The following BBS2 variants were observed in gnomAD, a reference collection of about 807,000 sequenced individuals.
The protein encoded by BBS2 is Bardet-Biedl syndrome 2.
Under a neutral mutation model 83.0 loss-of-function variants are expected in BBS2, and 62 were observed. The observed-to-expected ratio is 0.75, with a 90% CI of 0.61 to 0.92. The LOEUF (loss-of-function observed/expected upper bound fraction) is 0.92, where lower values mean the gene tolerates loss of function less well. Ranked by LOEUF, BBS2 falls within the 40% of genes least tolerant of loss-of-function variation. The pLI, the probability that BBS2 is intolerant of heterozygous loss-of-function variation, is 0.00. For synonymous variants in BBS2, 303 were observed against 326.1 expected (o/e 0.93, Z 0.76); for missense variants, 784 against 901.0 (o/e 0.87, Z 1.66).
intron 5 of BBS2, 131 bp from the exon 6 acceptor site, chr16:56,506,355 ATT>A: frequency 2.8e-6 from 2 of 718,584 alleles, no homozygotes; most frequent in East Asian, 5.4e-5. Context: ...CTTCCAATCC[ATT>A]AGTGGGGAAT....
intron 17 of BBS2, among the ~76,000 whole-genome samples, chr16:56,472,364 T>C (rs1249773576): frequency 6.6e-6 from 1 of 152,200 alleles, no homozygotes; most frequent in Non-Finnish European, 1.5e-5. Flanking sequence ...AGATGCTTTA[T>C]TCCATTGTTG....
chr16:56,513,695 A>G (rs1179939862), intron 2 of BBS2, among the ~76,000 whole-genome samples: 1 of 152,224 alleles, frequency 6.6e-6, no homozygotes, highest in Non-Finnish European at 1.5e-5. Flanking sequence ...TAGGAGGTTA[A>G]AGAAAAATGG....
chr16:56,497,113 C>T (rs1340916610), intron 14 of BBS2, 34 bp from the exon 15 acceptor site: 7 of 1,373,482 alleles, frequency 5.1e-6, no homozygotes, highest in African/African-American at 4.3e-5. Flanking sequence ...ATGAAAAAGG[C>T]CTCACAAACT....
Position 56,501,445 on chromosome 16 carries a change from G to A in BBS2, c.1133C>T (p.Pro378Leu), listed in dbSNP as rs1964270797. Residue 378 changes from proline to leucine, a missense_variant, in exon 10 of 17, where the codon CCA becomes CTA. By Grantham distance (98) the Pro-to-Leu change is moderately conservative. Transcript: ENST00000245157. Reference protein sequence around the residue: ...NEADGHRGIIPANTRLHTTLS... With the variant: ...NEADGHRGIILANTRLHTTLS... Reference sequence around the variant, plus strand: ...CGTGGTGTGGAGCCTGGTATTGGCTGGGATTATGCCCCGATGCCCATCAGC... The same window carrying A: ...CGTGGTGTGGAGCCTGGTATTGGCTAGGATTATGCCCCGATGCCCATCAGC... 1.2e-6 allele frequency: 2 copies of A among 1,614,044 alleles called. No homozygotes were observed. The highest frequency in any genetic ancestry group is 1.7e-5 in the Admixed American group (1 of 60,004).
In BBS2 at chr16:56,502,295, T is replaced by C. The variant is rs1375239276; in HGVS notation, c.1080+22A>G. The C allele has an allele frequency of 2.5e-6, 4 of 1,613,944 alleles. No homozygotes were observed. In the African/African-American group the frequency reaches 5.3e-5, roughly 22 times the overall value. ...CAACATTTCAGCCTCCATTACCTGGTCACATTAGGACCTACACCTACCTTG... is the reference window on the plus strand; with the variant it reads ...CAACATTTCAGCCTCCATTACCTGGCCACATTAGGACCTACACCTACCTTG... On this transcript the variant is annotated intron_variant, in intron 9 of 16. Coordinates refer to ENST00000245157, the MANE Select transcript of BBS2 (RefSeq NM_031885.5).
intron 4 of BBS2, 62 bp from the exon 5 acceptor site, chr16:56,510,096 C>G: frequency 6.6e-7 from 1 of 1,515,914 alleles, no homozygotes; most frequent in Non-Finnish European, 9.1e-7. Flanking sequence ...TTTCTGTAAA[C>G]AAAACAAAAA....
chr16:56,485,575 T>A lies in BBS2; in HGVS notation c.2059+15A>T, dbSNP rs571449292. On this transcript the variant is annotated intron_variant, in intron 16 of 16. Transcript: ENST00000245157. The stretch of plus-strand genomic sequence containing the variant: ...CATTACAGATCAAAGTGCAGTGTTA[T>A]GAAAAGAGACTTACCCCGCAGACGA... The A allele has an allele frequency of 2.5e-6, 4 of 1,613,894 alleles. No individual in the cohort carries two copies. Among genetic ancestry groups the A allele is most frequent in the African/African-American group, 2.7e-5 (2 of 74,946 alleles).
chr16:56,470,761 C>G (rs372564103), intron 17 of BBS2: 64 of 1,602,556 alleles, frequency 4.0e-5, no homozygotes, highest in Non-Finnish European at 5.2e-5. Flanking sequence ...GCAGACAGAC[C>G]CAGAGCCAGA....
At chr16:56,503,739 G>A (rs1435630762) in intron 7 of BBS2, among the ~76,000 whole-genome samples, 1 of 152,150 alleles carries the variant, frequency 6.6e-6, no homozygotes, top group Non-Finnish European at 1.5e-5. Context: ...CTAACATGGT[G>A]AAACCCTGTC....
intron 2 of BBS2, among the ~76,000 whole-genome samples, chr16:56,513,871 G>A (rs989643282): frequency 6.6e-6 from 1 of 151,718 alleles, no homozygotes; most frequent in East Asian, 1.9e-4. Context: ...GCTGCTATAG[G>A]GTAAAAACAA....
At chr16:56,518,774 A>AATACACAGG (rs1386014931) in intron 1 of BBS2, among the ~76,000 whole-genome samples, 3 of 152,186 alleles carry the variant, frequency 2.0e-5, no homozygotes, top group African/African-American at 7.2e-5. Flanking sequence ...CTGGACTATA[A>AATACACAGG]GCTTTCTGAA....
At chr16:56,502,511 T>C (rs1214669190) in intron 8 of BBS2, 55 bp from the exon 9 acceptor site, 5 of 1,613,364 alleles carry the variant, frequency 3.1e-6, no homozygotes, top group Admixed American at 1.7e-5. Flanking sequence ...AGGTCATCAA[T>C]TACCTGCTCT....
chr16:56,472,764 A>G (rs1032747077), intron 17 of BBS2, among the ~76,000 whole-genome samples: 27 of 152,168 alleles, frequency 1.8e-4, no homozygotes, highest in South Asian at 4.1e-4. Context: ...TTACACATCT[A>G]TTTTTAATGA....
rs199764607 is a variant in BBS2, at chr16:56,495,768, G to A, written c.1910+1199C>T. Reference sequence around the variant, plus strand: ...TTTTTATACAGACGTGTGTATATATGTGTGTGTGTGTGTGTGTGTGTGTAT... The same window carrying A: ...TTTTTATACAGACGTGTGTATATATATGTGTGTGTGTGTGTGTGTGTGTAT... On this transcript the variant is annotated intron_variant, in intron 15 of 16. Coordinates refer to ENST00000245157, the MANE Select transcript of BBS2 (RefSeq NM_031885.5). Among the ~76,000 whole-genome samples the A allele has an allele frequency of 2.5e-4, 5 of 20,292 alleles. No homozygotes were observed. In the African/African-American group the frequency reaches 4.7e-3, roughly 19 times the overall value. The allele number at this position is 20,292 out of a possible 152,430, so 13.3% of individuals were successfully genotyped here.
chr16:56,499,530 G>A, intron 12 of BBS2: 1 of 449,938 alleles, frequency 2.2e-6, no homozygotes, highest in Non-Finnish European at 4.1e-6. Flanking sequence ...AACGGAAAGA[G>A]AGGAATTAAA....
chr16:56,484,529 C>G lies in BBS2; in HGVS notation c.*232G>C. 1 of 443,684 alleles carries G rather than the reference C, an allele frequency of 2.3e-6. No individual in the cohort carries two copies. The highest frequency in any genetic ancestry group is 2.6e-5 in the South Asian group (1 of 38,160). 27.5% of individuals were successfully genotyped at this position (443,684 alleles called of 1,614,324 possible). On this transcript the variant is annotated 3_prime_UTR_variant, in exon 17 of 17. Coordinates refer to ENST00000245157, the MANE Select transcript of BBS2 (RefSeq NM_031885.5). ...GAAGCCCTAATACTTCAAAAGCATT[C>G]ATCCTATTCCATAAAAACCTAGTAT...
chr16:56,481,761 G>A (rs1490430025), downstream of BBS2, among the ~76,000 whole-genome samples: 1 of 152,224 alleles, frequency 6.6e-6, no homozygotes, highest in Admixed American at 6.5e-5. Flanking sequence ...AACAGGATGA[G>A]TTCTAAGTTG....
At chr16:56,503,541 T>C (rs1964337243) in intron 7 of BBS2, among the ~76,000 whole-genome samples, 1 of 152,118 alleles carries the variant, frequency 6.6e-6, no homozygotes, top group South Asian at 2.1e-4. Flanking sequence ...AAGTCTCCCA[T>C]TTCCAAGAGA....
Position 56,498,523 on chromosome 16 carries a change from G to C in BBS2, c.1573C>G (p.His525Asp), listed in dbSNP as rs1223007047. The C allele has an allele frequency of 1.2e-6, 2 of 1,613,960 alleles. No homozygotes were observed. The highest frequency in any genetic ancestry group is 2.7e-5 in the African/African-American group (2 of 74,896). The change falls in exon 13 of 17, where the codon CAC becomes GAC. Residue 525 changes from histidine to aspartate, a missense_variant. Physicochemically the swap from His to Asp is moderately conservative, Grantham distance 81. Coordinates refer to ENST00000245157, the MANE Select transcript of BBS2 (RefSeq NM_031885.5). Reference sequence around the variant, plus strand: ...ACTTGAAATGGAGCATTCTGAATGTGAGTGTCTTCTGGTAACAGAAAGTTC... The same window carrying C: ...ACTTGAAATGGAGCATTCTGAATGTCAGTGTCTTCTGGTAACAGAAAGTTC... ...GQNFLLPEDT[H>D]IQNAPFQVCF...
Sources: allele counts gnomAD v4.1 joint callset (sites outside exome capture counted in the v4.1 genomes callset), GRCh38; gene constraint gnomAD v4.1.1; transcripts MANE v1.5; gene names NCBI Gene and HGNC (gene_info 2026-07-23, HGNC 2026-07-21).